The following SMARCA2 variants were observed in gnomAD, a reference collection of about 807,000 sequenced individuals.
SMARCA2 encodes SWI/SNF-related matrix-associated actin-dependent regulator of chromatin subfamily A member 2.
In SMARCA2, 61 loss-of-function variants were observed where a neutral mutation model predicts 199.8. The observed-to-expected ratio is 0.31, with a 90% CI of 0.25 to 0.38. The LOEUF is 0.38. Among genes scored for constraint, SMARCA2 ranks in the 10% least tolerant of loss-of-function variants. The pLI is 1.00. For synonymous variants in SMARCA2, 935 were observed against 732.0 expected, an observed-to-expected ratio of 1.28 and a Z score of -4.48; for missense variants, 1,344 against 2,012.2, an observed-to-expected ratio of 0.67 and a Z score of 6.35.
intron 27 of SMARCA2, among the ~76,000 whole-genome samples, chr9:2,139,373 T>C (rs949072661): frequency 6.6e-6 from 1 of 152,134 alleles, no homozygotes; most frequent in African/African-American, 2.4e-5. Context: ...GATGCAGTTA[T>C]AGAAGTGTGG....
chr9:2,179,888 C>G (rs1826895304), intron 29 of SMARCA2, among the ~76,000 whole-genome samples: 1 of 152,164 alleles, frequency 6.6e-6, no homozygotes, highest in African/African-American at 2.4e-5. Flanking sequence ...GCAAGTTGCT[C>G]TCTACAAATT....
At chr9:2,083,693 G>C (rs957600364) in intron 16 of SMARCA2, among the ~76,000 whole-genome samples, 3 of 152,220 alleles carry the variant, frequency 2.0e-5, no homozygotes, top group African/African-American at 4.8e-5. Context: ...GCGTGCTGCT[G>C]ACTGGCTCGC....
chr9:2,050,619 C>T (rs1485052895), intron 5 of SMARCA2, among the ~76,000 whole-genome samples: 1 of 149,656 alleles, frequency 6.7e-6, no homozygotes, highest in Non-Finnish European at 1.5e-5. Flanking sequence ...AGGCTGCTTA[C>T]CTGTGATTTT....
intron 18 of SMARCA2, 63 bp from the exon 19 acceptor site, chr9:2,088,437 G>A (rs1254802845): frequency 1.3e-6 from 2 of 1,526,474 alleles, no homozygotes; most frequent in East Asian, 4.6e-5. Context: ...GTAACATAAA[G>A]CTTTATTGTA....
intron 3 of SMARCA2, among the ~76,000 whole-genome samples, chr9:2,034,364 T>A (rs1323642035): frequency 2.0e-5 from 3 of 151,696 alleles, no homozygotes; most frequent in Admixed American, 2.0e-4. Context: ...AATGGCTAAA[T>A]CAGTATATGG....
chr9:2,138,609 A>G (rs909998445), intron 27 of SMARCA2, among the ~76,000 whole-genome samples: 1 of 152,298 alleles, frequency 6.6e-6, no homozygotes, highest in South Asian at 2.1e-4. Context: ...CTGATAACTT[A>G]TGAAAGATGG....
chr9:2,081,740 G>A (rs1253044937), intron 14 of SMARCA2, 92 bp from the exon 15 acceptor site: 8 of 1,090,656 alleles, frequency 7.3e-6, no homozygotes, highest in Middle Eastern at 2.1e-4. Context: ...ACAGCAGTGA[G>A]GAGTTAAGAA....
intron 27 of SMARCA2, among the ~76,000 whole-genome samples, chr9:2,126,387 A>C (rs1246000779): frequency 3.9e-5 from 6 of 152,276 alleles, no homozygotes; most frequent in Non-Finnish European, 8.8e-5. Context: ...TAATCAGGAC[A>C]TGCAATGGAT....
chr9:2,158,170 A>G (rs1286506417), intron 27 of SMARCA2: 1 of 253,748 alleles, frequency 3.9e-6, no homozygotes, highest in Non-Finnish European at 7.4e-6. Context: ...CAAAAAAAAA[A>G]AAAAAAAAAA....
At chr9:2,143,001 G>C (rs1204175594) in intron 27 of SMARCA2, among the ~76,000 whole-genome samples, 2 of 151,980 alleles carry the variant, frequency 1.3e-5, no homozygotes, top group Non-Finnish European at 2.9e-5. Flanking sequence ...AACAGATTTC[G>C]GGATGATAGG....
At chr9:2,183,035 C>T (rs1213472462) in intron 31 of SMARCA2, among the ~76,000 whole-genome samples, 1 of 152,178 alleles carries the variant, frequency 6.6e-6, no homozygotes, top group Non-Finnish European at 1.5e-5. Context: ...AGGTGATCTG[C>T]CCACCTCAGC....
rs973418664 is a variant in SMARCA2 at position 2,187,590 on chromosome 9, A to G, written c.4594+1362A>G. Among the ~76,000 whole-genome samples the G allele has an allele frequency of 8.5e-5, 13 of 152,170 alleles. No homozygotes were observed. In the East Asian group the frequency reaches 2.5e-3, roughly 29 times the overall value. ...CTACTCAGGAAGCTGAGGCAGGAGG[A>G]TTGCTTAGTCTAGGTGTTCAAGGCT... On this transcript the variant is annotated intron_variant, in intron 32 of 33. Transcript: ENST00000349721.
intron 31 of SMARCA2, among the ~76,000 whole-genome samples, chr9:2,184,849 C>CCTCTCT (rs57873443): frequency 0.091 from 13,818 of 151,074 alleles, 662 homozygotes; most frequent in East Asian, 0.15. Flanking sequence ...ATGGTCCCAT[C>CCTCTCT]CTCTCTCTCT....
rs1436540759 is a variant in SMARCA2 at position 2,029,203 on chromosome 9, G to A, written c.181G>A (p.Gly61Arg). 6 of 1,613,104 alleles carry A rather than the reference G, an allele frequency of 3.7e-6. No individual in the cohort carries two copies. The African/African-American group carries it at 4.0e-5, about 11-fold the overall frequency. ...PSVSHPMPTM[G>R]STDFPQEGMH... ...TGTCTCCCATCCTATGCCGACGATG[G>A]GGTCCACAGACTTCCCACAGGAAGG... The change falls in exon 2 of 34, where the codon GGG (glycine) becomes AGG (arginine). Residue 61 changes from glycine (G) to arginine (R), a missense_variant. By Grantham distance (125) the Gly-to-Arg change is moderately radical. Around this residue, in one of 18 missense-constraint regions of SMARCA2, gnomAD observed 275 missense variants for 247.5 expected, o/e 1.11. Coordinates refer to ENST00000349721, the MANE Select transcript of SMARCA2 (RefSeq NM_003070.5).
intron 21 of SMARCA2, among the ~76,000 whole-genome samples, chr9:2,099,294 C>G (rs1034422825): frequency 2.0e-5 from 3 of 152,152 alleles, no homozygotes; most frequent in African/African-American, 7.2e-5. Flanking sequence ...TTAGTCTAAC[C>G]TGTTACCCAC....
chr9:2,021,702 A>G (rs1818607614), intron 1 of SMARCA2, among the ~76,000 whole-genome samples: 1 of 152,264 alleles, frequency 6.6e-6, no homozygotes, highest in Admixed American at 6.5e-5. Context: ...TCTGTAAAAA[A>G]TAGATGATCT....
intron 24 of SMARCA2, among the ~76,000 whole-genome samples, chr9:2,111,491 CAAAAAAAAAAA>C (rs148112929): frequency 2.3e-5 from 2 of 86,980 alleles, no homozygotes; most frequent in African/African-American, 7.2e-5. Context: ...GACCGTGTCT[CAAAAAAAAAAA>C]AAAAAAAAGA....
chr9:2,181,946 T>G (rs1436479396), intron 30 of SMARCA2, among the ~76,000 whole-genome samples, 195 bp from the exon 31 acceptor site: 1 of 152,194 alleles, frequency 6.6e-6, no homozygotes, highest in Non-Finnish European at 1.5e-5. Flanking sequence ...TGCTCCTCCT[T>G]GGCAAAAGGA....
chr9:2,017,375 G>T lies in SMARCA2; in HGVS notation c.-37+1971G>T. On this transcript the variant is annotated intron_variant, in intron 1 of 33. Coordinates refer to ENST00000349721, the MANE Select transcript of SMARCA2 (RefSeq NM_003070.5). This position sits in a 1 kb window ranked among gnomAD's most constrained non-coding sequence, Gnocchi z 8.8. ...CTCCGCGCCCTCCCGGCCGGCGCGA[G>T]TGTGTCTGCGCGTGAGTGTGAGTGT... 6.6e-6 allele frequency: 1 copy of T among 152,614 alleles called. No homozygotes were observed. The highest frequency in any genetic ancestry group is 1.5e-5 in the Non-Finnish European group (1 of 68,294). 9.5% of individuals were successfully genotyped at this position (152,614 alleles called of 1,614,324 possible). A position where few individuals can be genotyped will look rare whatever the true frequency, so the allele number is the denominator to read the frequency against.
Sources: allele counts gnomAD v4.1 joint callset (sites outside exome capture counted in the v4.1 genomes callset), GRCh38; gene constraint gnomAD v4.1.1; regional missense constraint gnomAD v4.1.1; non-coding constraint Gnocchi (gnomAD v3.1); transcripts MANE v1.5; gene names NCBI Gene and HGNC (gene_info 2026-07-23, HGNC 2026-07-21).